Variants in ZSCAN5A observed in about 807,000 individuals in gnomAD.
ZSCAN5A encodes zinc finger and SCAN domain containing 5A.
Under a neutral mutation model 23.7 loss-of-function variants are expected in ZSCAN5A, and 12 were observed. That is an observed-to-expected ratio of 0.51 (90% CI 0.32 to 0.82). The LOEUF (loss-of-function observed/expected upper bound fraction) is 0.82. ZSCAN5A is among the 40% of genes least tolerant of loss of function. ZSCAN5A has a pLI of 0.03. For synonymous variants in ZSCAN5A, 257 were observed against 239.9 expected, an observed-to-expected ratio of 1.07 and a Z score of -0.66; for missense variants, 597 against 617.9, an observed-to-expected ratio of 0.97 and a Z score of 0.36.
At chr19:56,244,076 G>A (rs2035650180) in intron 2 of ZSCAN5A, 19 of 1,233,000 alleles carry the variant, frequency 1.5e-5, no homozygotes, top group Non-Finnish European at 2.2e-5. Context: ...ATGGGGTCAG[G>A]GAGGACCCTG....
intron 2 of ZSCAN5A, among the ~76,000 whole-genome samples, chr19:56,252,920 C>T (rs964076596): frequency 7.0e-4 from 106 of 152,316 alleles, no homozygotes; most frequent in African/African-American, 2.5e-3. Flanking sequence ...CTGACAAGGC[C>T]ATAACAGGAG....
At chr19:56,364,471 G>C (rs1468584355) in intron 1 of ZSCAN5A, among the ~76,000 whole-genome samples, 1 of 152,190 alleles carries the variant, frequency 6.6e-6, no homozygotes, top group Admixed American at 6.5e-5. Context: ...GTCTTGGAAA[G>C]GATGTGGAAT....
chr19:56,280,979 T>C (rs1459739178), intron 2 of ZSCAN5A, among the ~76,000 whole-genome samples: 3 of 152,190 alleles, frequency 2.0e-5, no homozygotes, highest in African/African-American at 7.2e-5. Context: ...AATTCACATA[T>C]AACTTTTGAC....
upstream of ZSCAN5A, among the ~76,000 whole-genome samples, chr19:56,318,938 G>A (rs773249975): frequency 2.0e-5 from 3 of 152,016 alleles, no homozygotes; most frequent in Non-Finnish European, 4.4e-5. Flanking sequence ...ACTGTGGTGG[G>A]GCTATTTAAA....
Position 56,262,915 on chromosome 19 carries a change from T to C in ZSCAN5A, c.-127-37742A>G, listed in dbSNP as rs549001397. 2.4e-4 allele frequency among the ~76,000 whole-genome samples: 36 copies of C among 152,376 alleles called. 1 individual carries two copies. Among genetic ancestry groups the C allele is most frequent in the Middle Eastern group, 6.8e-3 (2 of 294 alleles). On this transcript the variant is annotated intron_variant, in intron 2 of 5. Transcript: ENST00000683990. ...CAACGTTTATCTATATGGGTAATTA[T>C]GCTGTAAGTCGTTTTGCATATGTCT...
intron 2 of ZSCAN5A, among the ~76,000 whole-genome samples, chr19:56,277,939 A>G (rs1397118289): frequency 6.6e-6 from 1 of 152,228 alleles, no homozygotes; most frequent in African/African-American, 2.4e-5. Flanking sequence ...TAATAAATAT[A>G]CATACTGACA....
chr19:56,303,146 T>C (rs1010776055), intron 2 of ZSCAN5A, among the ~76,000 whole-genome samples: 6 of 152,052 alleles, frequency 3.9e-5, no homozygotes, highest in Non-Finnish European at 7.4e-5. Context: ...AAACACCATG[T>C]GCGAGACTCA....
intron 2 of ZSCAN5A, among the ~76,000 whole-genome samples, chr19:56,262,000 G>A: frequency 6.6e-6 from 1 of 152,054 alleles, no homozygotes; most frequent in East Asian, 1.9e-4. Context: ...CCTCCAATCT[G>A]TGCCTACCTA....
chr19:56,223,955 A>T (rs1010366186), intron 3 of ZSCAN5A, 121 bp from the exon 4 acceptor site: 24 of 932,692 alleles, frequency 2.6e-5, no homozygotes, highest in Non-Finnish European at 3.6e-5. Context: ...CTGCCTTCCC[A>T]ATAGAGAGTC....
intron 2 of ZSCAN5A, among the ~76,000 whole-genome samples, chr19:56,249,848 TTTAC>T (rs1296840142): frequency 6.6e-6 from 1 of 152,118 alleles, no homozygotes; most frequent in Non-Finnish European, 1.5e-5. Context: ...TTTCTCAGAT[TTTAC>T]TTGTTTTAAA....
chr19:56,334,045 G>T (rs1484777425), intron 2 of ZSCAN5A, among the ~76,000 whole-genome samples: 1 of 152,142 alleles, frequency 6.6e-6, no homozygotes, highest in Admixed American at 6.5e-5. Context: ...GAAAATAAGA[G>T]ATTACAGATT....
At chr19:56,248,946 T>C (rs562050558) in intron 2 of ZSCAN5A, among the ~76,000 whole-genome samples, 23 of 152,286 alleles carry the variant, frequency 1.5e-4, no homozygotes, top group African/African-American at 5.3e-4. Context: ...TTGTACATCC[T>C]GTGGGTTTGG....
At chr19:56,313,585 G>A (rs565358413) in intron 1 of ZSCAN5A, among the ~76,000 whole-genome samples, 1 of 152,160 alleles carries the variant, frequency 6.6e-6, no homozygotes, top group Admixed American at 6.5e-5. Context: ...AGGCAAAAAT[G>A]ATGTATTTTA....
At position 56,228,263 on chromosome 19, in the gene ZSCAN5A, C is replaced by G. The variant is rs552683630; in HGVS notation, c.-127-3090G>C. On this transcript the variant is annotated intron_variant, in intron 2 of 5. Coordinates refer to ENST00000683990, the MANE Select transcript of ZSCAN5A (RefSeq NM_001322064.3). Reference sequence around the variant, plus strand: ...CGCTGGACACTCACCTCCTTCCCGGCTTCTGCCTCCGACCTTCTCGGTCTG... The same window carrying G: ...CGCTGGACACTCACCTCCTTCCCGGGTTCTGCCTCCGACCTTCTCGGTCTG... 5.8e-3 allele frequency: 5,725 copies of G among 985,380 alleles called. 18 individuals are homozygous for G. The highest frequency in any genetic ancestry group is 6.7e-3 in the Non-Finnish European group (5,538 of 829,920). 61.0% of individuals were successfully genotyped at this position (985,380 alleles called of 1,614,324 possible).
chr19:56,242,064 G>T (rs903131612), intron 2 of ZSCAN5A, among the ~76,000 whole-genome samples: 8 of 152,178 alleles, frequency 5.3e-5, no homozygotes, highest in African/African-American at 1.9e-4. Context: ...CCCGGAGCGG[G>T]ATTGCCGGAT....
rs1036328664 is a variant in ZSCAN5A, at chr19:56,250,908, T to A, written c.-127-25735A>T. Among the ~76,000 whole-genome samples the A allele has an allele frequency of 7.2e-5, 11 of 152,138 alleles. No homozygotes were observed. In the East Asian group the frequency reaches 1.7e-3, roughly 24 times the overall value. On this transcript the variant is annotated intron_variant, in intron 2 of 5. Transcript: ENST00000683990. ...TAAATGACCACTGATCCCAGCACTT[T>A]GGGAGGCCAAGGCAGGCAGATCACG...
chr19:56,273,205 C>T (rs1600148556), intron 2 of ZSCAN5A, among the ~76,000 whole-genome samples: 1 of 152,208 alleles, frequency 6.6e-6, no homozygotes, highest in African/African-American at 2.4e-5. Flanking sequence ...ATCTGACCAA[C>T]GGGGCTCACA....
intron 2 of ZSCAN5A, among the ~76,000 whole-genome samples, chr19:56,334,807 AAAT>A (rs746470831): frequency 6.6e-6 from 1 of 152,242 alleles, no homozygotes; most frequent in Non-Finnish European, 1.5e-5. Context: ...CAGCAACTTC[AAAT>A]ATTAAAGGTA....
At chr19:56,228,322 G>C in intron 2 of ZSCAN5A, 1 of 985,340 alleles carries the variant, frequency 1.0e-6, no homozygotes, top group Non-Finnish European at 1.2e-6. Context: ...GAGCTGAACT[G>C]CGTCTATTTA....
Sources: allele counts gnomAD v4.1 joint callset (sites outside exome capture counted in the v4.1 genomes callset), GRCh38; gene constraint gnomAD v4.1.1; transcripts MANE v1.5; gene names NCBI Gene and HGNC (gene_info 2026-07-23, HGNC 2026-07-21).